SOX5: variants seen among roughly 807,000 people sequenced by gnomAD.
SOX5 encodes transcription factor SOX-5.
In SOX5, 9 loss-of-function variants were observed where a neutral mutation model predicts 92.0. The observed-to-expected ratio is 0.10, with a 90% CI of 0.06 to 0.17. The LOEUF is 0.17. SOX5 is among the 10% of genes least tolerant of loss of function. The probability of loss-of-function intolerance (pLI) is 1.00; values close to 1 mark genes in which losing one functional copy is unlikely to be tolerated. For synonymous variants in SOX5, 344 were observed against 336.3 expected, an observed-to-expected ratio of 1.02 and a Z score of -0.25; for missense variants, 642 against 944.5, an observed-to-expected ratio of 0.68 and a Z score of 4.20.
intron 2 of SOX5, among the ~76,000 whole-genome samples, chr12:24,348,496 C>A (rs573483061): frequency 6.6e-6 from 1 of 152,152 alleles, no homozygotes; most frequent in East Asian, 1.9e-4. Context: ...GATTCTCCTG[C>A]CTCAGCCTCC....
chr12:23,657,033 CTT>C (rs2082391835), intron 7 of SOX5, among the ~76,000 whole-genome samples: 1 of 152,012 alleles, frequency 6.6e-6, no homozygotes, highest in Admixed American at 6.6e-5. Context: ...TGAGTATACT[CTT>C]TGAAAATAGA....
chr12:23,867,923 A>C (rs2096832542), intron 2 of SOX5, among the ~76,000 whole-genome samples: 1 of 151,918 alleles, frequency 6.6e-6, no homozygotes, highest in Admixed American at 6.6e-5. Context: ...AGTAAATACC[A>C]CCTAGGCAGT....
intron 3 of SOX5, among the ~76,000 whole-genome samples, chr12:24,275,559 T>C (rs10842308): frequency 6.6e-6 from 1 of 151,970 alleles, no homozygotes; most frequent in Non-Finnish European, 1.5e-5. Flanking sequence ...ATCATATAAA[T>C]GTATTCAAAT....
At position 24,270,661 on chromosome 12, in the gene SOX5, C is replaced by A. The variant is rs1595005941; in HGVS notation, c.-77+6555G>T. Among the ~76,000 whole-genome samples, 4 of 152,158 alleles carry A rather than the reference C, an allele frequency of 2.6e-5. No individual in the cohort carries two copies. In the East Asian group the frequency reaches 7.7e-4, roughly 29 times the overall value. On this transcript the variant is annotated intron_variant, in intron 3 of 4. Coordinates refer to the SOX5 transcript ENST00000446891. ...AGTGTTCCTGGACACAAATTCTGCA[C>A]CCTGACCTCAACCTCTTTCCTCATT...
chr12:24,083,480 C>T (rs368652141), intron 4 of SOX5, among the ~76,000 whole-genome samples: 4 of 152,062 alleles, frequency 2.6e-5, no homozygotes, highest in East Asian at 1.9e-4. Flanking sequence ...AGTTTATAAT[C>T]GGCTGGGAAA....
chr12:24,448,888 T>A (rs1941875495), intron 1 of SOX5, among the ~76,000 whole-genome samples: 1 of 152,068 alleles, frequency 6.6e-6, no homozygotes, highest in Admixed American at 6.6e-5. Context: ...TCTTAATGTG[T>A]CCAAAACAAA....
chr12:24,114,844 G>A (rs971236921), intron 4 of SOX5, among the ~76,000 whole-genome samples: 2 of 151,904 alleles, frequency 1.3e-5, no homozygotes, highest in Non-Finnish European at 2.9e-5. Context: ...GCTGGGGTGC[G>A]GGGATCCCTT....
At chr12:23,946,222 T>C (rs1944566437) in intron 1 of SOX5, among the ~76,000 whole-genome samples, 2 of 152,140 alleles carry the variant, frequency 1.3e-5, no homozygotes, top group East Asian at 1.9e-4. Flanking sequence ...AGCAATCAAA[T>C]AGGTGATACT....
chr12:23,857,922 C>CG (rs2096712025), intron 2 of SOX5, among the ~76,000 whole-genome samples: 1 of 151,876 alleles, frequency 6.6e-6, no homozygotes, highest in South Asian at 2.1e-4. Flanking sequence ...TTAGTAGAGA[C>CG]GGGGTTTCGC....
chr12:24,131,641 C>A (rs537947416), intron 4 of SOX5, among the ~76,000 whole-genome samples: 94 of 152,222 alleles, frequency 6.2e-4, no homozygotes, highest in African/African-American at 2.2e-3. Context: ...TGAAAATGTA[C>A]AACAGAAGTG....
At chr12:24,025,694 T>C (rs1954800209) in intron 4 of SOX5, among the ~76,000 whole-genome samples, 1 of 152,010 alleles carries the variant, frequency 6.6e-6, no homozygotes, top group Non-Finnish European at 1.5e-5. Context: ...AAGCGGGCAA[T>C]GTCAAAATGC....
At chr12:24,482,046 A>T (rs1946053642) in intron 1 of SOX5, among the ~76,000 whole-genome samples, 1 of 152,218 alleles carries the variant, frequency 6.6e-6, no homozygotes, top group South Asian at 2.1e-4. Context: ...ACATGTGAAT[A>T]GAAGAATTAT....
chr12:23,672,346 C>T (rs1384274454), intron 6 of SOX5, among the ~76,000 whole-genome samples: 1 of 152,136 alleles, frequency 6.6e-6, no homozygotes, highest in Non-Finnish European at 1.5e-5. Context: ...TGAAGAACTC[C>T]TATTTAGGAA....
chr12:24,427,915 G>A (rs1966864235), intron 1 of SOX5, among the ~76,000 whole-genome samples: 1 of 152,158 alleles, frequency 6.6e-6, no homozygotes, highest in African/African-American at 2.4e-5. Context: ...CCCCCATTCA[G>A]AAGTCTAAGA....
At chr12:24,264,339 A>T (rs868650536) in intron 3 of SOX5, among the ~76,000 whole-genome samples, 8 of 152,086 alleles carry the variant, frequency 5.3e-5, no homozygotes, top group Admixed American at 1.3e-4. Flanking sequence ...CTTTTAAAAA[A>T]TTTTTTCTTG....
At chr12:24,520,611 C>A (rs1260436118) in intron 1 of SOX5, among the ~76,000 whole-genome samples, 1 of 151,966 alleles carries the variant, frequency 6.6e-6, no homozygotes, top group Non-Finnish European at 1.5e-5. Context: ...CAGAAAATAA[C>A]TAACAAAATG....
At chr12:23,764,318 T>C (rs2141383002) in intron 3 of SOX5, among the ~76,000 whole-genome samples, 1 of 152,212 alleles carries the variant, frequency 6.6e-6, no homozygotes, top group South Asian at 2.1e-4. Flanking sequence ...AATAGTATTT[T>C]CTCAACTGTA....
intron 4 of SOX5, among the ~76,000 whole-genome samples, chr12:24,162,484 T>C (rs1384683120): frequency 6.6e-6 from 1 of 152,138 alleles, no homozygotes; most frequent in Non-Finnish European, 1.5e-5. Flanking sequence ...CTCAAATGGA[T>C]ACATTAGTCT....
At chr12:24,464,618 G>A (rs982243183) in intron 1 of SOX5, among the ~76,000 whole-genome samples, 2 of 152,198 alleles carry the variant, frequency 1.3e-5, no homozygotes, top group Non-Finnish European at 2.9e-5. Flanking sequence ...TGGGATTACA[G>A]GCGTGAGCCA....
Sources: allele counts gnomAD v4.1 joint callset (sites outside exome capture counted in the v4.1 genomes callset), GRCh38; gene constraint gnomAD v4.1.1; transcripts MANE v1.5; gene names NCBI Gene and HGNC (gene_info 2026-07-23, HGNC 2026-07-21).